The following CCNY variants were observed in gnomAD, a reference collection of about 807,000 sequenced individuals.
CCNY encodes the protein cyclin-Y.
CCNY carries 19 observed loss-of-function variants against 42.8 expected under a neutral mutation model. That is an observed-to-expected ratio of 0.44 (90% CI 0.31 to 0.65). The LOEUF (loss-of-function observed/expected upper bound fraction) is 0.65, where lower values mean the gene tolerates loss of function less well. Ranked by LOEUF, CCNY falls within the 30% of genes least tolerant of loss-of-function variation. The pLI is 0.07. For missense variants in CCNY, 370 were observed against 437.3 expected, an observed-to-expected ratio of 0.85 and a Z score of 1.37; for synonymous variants, 165 against 162.7, an observed-to-expected ratio of 1.01 and a Z score of -0.11.
intron 3 of CCNY, among the ~76,000 whole-genome samples, chr10:35,277,933 A>T (rs1409072524): frequency 6.6e-6 from 1 of 152,132 alleles, no homozygotes; most frequent in African/African-American, 2.4e-5. Context: ...CAATGAGTTC[A>T]GCTTATCCTG....
At chr10:35,416,469 T>A (rs148515931) in intron 1 of CCNY, among the ~76,000 whole-genome samples, 2 of 152,044 alleles carry the variant, frequency 1.3e-5, no homozygotes, top group Non-Finnish European at 2.9e-5. Context: ...ATCCTTTTGA[T>A]TGGGGAGAAA....
chr10:35,507,512 G>A, intron 3 of CCNY, among the ~76,000 whole-genome samples: 1 of 152,140 alleles, frequency 6.6e-6, no homozygotes, highest in Non-Finnish European at 1.5e-5. Context: ...ACTCCACTGT[G>A]TATTTCCTAA....
In CCNY at chr10:35,570,201, A is replaced by G. The variant is rs934101982; in HGVS notation, c.*1031A>G. ...TTTAAATCAAAGTTAGTCTATTTGT[A>G]TAAAATTTTTAAAAAATCTAAAAGA... On this transcript the variant is annotated 3_prime_UTR_variant, in exon 10 of 10. Transcript: ENST00000374704. The G allele has an allele frequency of 1.3e-5, 2 of 152,618 alleles. No individual in the cohort carries two copies. The highest frequency in any genetic ancestry group is 2.9e-5 in the Non-Finnish European group (2 of 68,030). The allele number at this position is 152,618 out of a possible 1,614,324, so 9.5% of individuals were successfully genotyped here.
intron 1 of CCNY, among the ~76,000 whole-genome samples, chr10:35,406,728 C>G (rs1214818235): frequency 6.6e-6 from 1 of 152,192 alleles, no homozygotes; most frequent in Non-Finnish European, 1.5e-5. Flanking sequence ...ATGGCCTGTT[C>G]TCAATGAGCT....
At chr10:35,431,900 T>C (rs1325187943) in intron 1 of CCNY, among the ~76,000 whole-genome samples, 1 of 152,154 alleles carries the variant, frequency 6.6e-6, no homozygotes, top group Non-Finnish European at 1.5e-5. Context: ...TGATCCTCTG[T>C]TTTTACATCT....
At chr10:35,393,269 G>A (rs931845347) in intron 1 of CCNY, among the ~76,000 whole-genome samples, 1 of 152,178 alleles carries the variant, frequency 6.6e-6, no homozygotes, top group African/African-American at 2.4e-5. Context: ...ATTGACTTGA[G>A]GAAAGATGAG....
chr10:35,296,413 C>T (rs1338228585), intron 3 of CCNY, among the ~76,000 whole-genome samples: 3 of 151,916 alleles, frequency 2.0e-5, no homozygotes, highest in Non-Finnish European at 4.4e-5. Context: ...AACCCCATGT[C>T]GACTAAAAAA....
intron 1 of CCNY, among the ~76,000 whole-genome samples, chr10:35,350,299 A>C (rs1205033328): frequency 6.6e-6 from 1 of 151,950 alleles, no homozygotes; most frequent in Non-Finnish European, 1.5e-5. Context: ...AAGAGTAGTA[A>C]ATTTTTCTTC....
chr10:35,297,304 T>A (rs1328191292), intron 3 of CCNY, among the ~76,000 whole-genome samples: 1 of 152,062 alleles, frequency 6.6e-6, no homozygotes, highest in Non-Finnish European at 1.5e-5. Flanking sequence ...AAATTCAACA[T>A]CGCTTCATGT....
At chr10:35,431,597 G>A (rs1395661705) in intron 1 of CCNY, among the ~76,000 whole-genome samples, 1 of 151,526 alleles carries the variant, frequency 6.6e-6, no homozygotes, top group Non-Finnish European at 1.5e-5. Context: ...CAAATGCTTT[G>A]GAAATGAATG....
intron 1 of CCNY, among the ~76,000 whole-genome samples, chr10:35,420,072 A>G (rs1838127957): frequency 2.0e-5 from 3 of 151,864 alleles, no homozygotes; most frequent in South Asian, 4.2e-4. Flanking sequence ...TTTAGGTCCT[A>G]TGTCTGTGCT....
At chr10:35,412,084 A>G (rs555752636) in intron 1 of CCNY, among the ~76,000 whole-genome samples, 1 of 152,208 alleles carries the variant, frequency 6.6e-6, no homozygotes, top group South Asian at 2.1e-4. Flanking sequence ...CTGGAGTGCA[A>G]GGTGGGGAAG....
intron 1 of CCNY, among the ~76,000 whole-genome samples, chr10:35,357,544 T>C (rs1836585664): frequency 6.6e-6 from 1 of 152,264 alleles, no homozygotes; most frequent in Admixed American, 6.5e-5. Flanking sequence ...TAGTGTTTCC[T>C]CTGGATTAGA....
At chr10:35,284,356 G>A (rs1009626330) in intron 3 of CCNY, among the ~76,000 whole-genome samples, 1 of 152,102 alleles carries the variant, frequency 6.6e-6, no homozygotes, top group Non-Finnish European at 1.5e-5. Flanking sequence ...CATTCCCAAA[G>A]TGTCCTCATG....
intron 3 of CCNY, among the ~76,000 whole-genome samples, chr10:35,252,644 G>A (rs1275524458): frequency 6.6e-6 from 1 of 150,784 alleles, no homozygotes; most frequent in Middle Eastern, 3.2e-3. Flanking sequence ...TGCTGGAACA[G>A]TATTGGAAAA....
At chr10:35,442,747 G>T (rs764391076) in intron 1 of CCNY, among the ~76,000 whole-genome samples, 4 of 152,176 alleles carry the variant, frequency 2.6e-5, no homozygotes, top group Admixed American at 2.6e-4. Context: ...GATGTGGTTT[G>T]TGTTATTTTC....
chr10:35,310,745 G>A lies in CCNY; in HGVS notation c.-9+60119G>A, dbSNP rs548103348. Among the ~76,000 whole-genome samples, 3 of 152,128 alleles carry A rather than the reference G, an allele frequency of 2.0e-5. No individual in the cohort carries two copies. In the South Asian group the frequency reaches 6.2e-4, roughly 32 times the overall value. ...AGCCTTTGTAGTGTGATTACTTTTT[G>A]AGCAGTCTTAATATATGTATAGTTT... On this transcript the variant is annotated intron_variant, in intron 3 of 11. Transcript: ENST00000374706.
rs147767847 is a variant in CCNY, at chr10:35,382,708, A to C, written c.154+45501A>C. 9.3e-4 allele frequency among the ~76,000 whole-genome samples: 141 copies of C among 152,260 alleles called. 2 individuals are homozygous for C. In the East Asian group the frequency reaches 0.02, roughly 21 times the overall value. On this transcript the variant is annotated intron_variant, in intron 1 of 9. Transcript: ENST00000374704. ...GAGCTTGAGACACTGACTTAGGGCA[A>C]GTTACTTAAACTTGCATGGCCGGCT...
At chr10:35,422,588 G>C (rs750440872) in intron 1 of CCNY, among the ~76,000 whole-genome samples, 3 of 152,230 alleles carry the variant, frequency 2.0e-5, no homozygotes, top group Non-Finnish European at 4.4e-5. Flanking sequence ...AGCTGTTATA[G>C]ACTTTCAAGA....
Sources: allele counts gnomAD v4.1 joint callset (sites outside exome capture counted in the v4.1 genomes callset), GRCh38; gene constraint gnomAD v4.1.1; transcripts MANE v1.5; gene names NCBI Gene and HGNC (gene_info 2026-07-23, HGNC 2026-07-21).